Variants in CRTC1 observed in about 807,000 individuals in gnomAD.
The protein encoded by CRTC1 is CREB-regulated transcription coactivator 1.
CRTC1 carries 18 observed loss-of-function variants against 66.1 expected under a neutral mutation model. The ratio of observed to expected loss-of-function variants is 0.27; its 90% confidence interval spans 0.19 to 0.40. The LOEUF is 0.40. Ranked by LOEUF, CRTC1 falls within the 10% of genes least tolerant of loss-of-function variation. The pLI, the probability that CRTC1 is intolerant of heterozygous loss-of-function variation, is 1.00. For synonymous variants in CRTC1, 416 were observed against 398.8 expected (o/e 1.04, Z -0.51); for missense variants, 669 against 887.9 (o/e 0.75, Z 3.13).
rs150869500 is a variant in CRTC1 at position 18,781,842 on chromosome 19, G to A, written c.*4460G>A. 6.7e-3 allele frequency: 1,538 copies of A among 230,990 alleles called. 10 individuals are homozygous for A. The highest frequency in any genetic ancestry group is 7.8e-3 in the Non-Finnish European group (910 of 116,652). The allele number at this position is 230,990 out of a possible 1,614,324, so 14.3% of individuals were successfully genotyped here. On this transcript the variant is annotated 3_prime_UTR_variant, in exon 14 of 14. Transcript: ENST00000321949. ...CCACCCCCAGGAGCCAGGGACAGGT[G>A]GCATGTGTTGGGGTCGGGGGATGGC...
chr19:18,686,646 C>CAAAACA (rs566551999), intron 1 of CRTC1, among the ~76,000 whole-genome samples: 1 of 152,124 alleles, frequency 6.6e-6, no homozygotes, highest in Admixed American at 6.6e-5. Flanking sequence ...GACTCCATCT[C>CAAAACA]AAAACAAAAA....
At chr19:18,755,593 C>CTTTTTT (rs58121199) in intron 6 of CRTC1, among the ~76,000 whole-genome samples, 3 of 107,498 alleles carry the variant, frequency 2.8e-5, no homozygotes, top group Non-Finnish European at 3.8e-5. Context: ...CCAAACCTGG[C>CTTTTTT]TTTTTTTTTT....
chr19:18,684,919 G>A (rs1328249443), intron 1 of CRTC1, among the ~76,000 whole-genome samples: 1 of 152,128 alleles, frequency 6.6e-6, no homozygotes, highest in Non-Finnish European at 1.5e-5. Flanking sequence ...TTCCTCTTGG[G>A]GCAGGGTGGT....
chr19:18,731,474 G>A (rs1490996465), intron 1 of CRTC1, among the ~76,000 whole-genome samples: 1 of 152,208 alleles, frequency 6.6e-6, no homozygotes, highest in Non-Finnish European at 1.5e-5. Context: ...ATTCCAGGAT[G>A]ATCTCATTTC....
intron 1 of CRTC1, among the ~76,000 whole-genome samples, chr19:18,739,243 G>A (rs1471499233): frequency 6.6e-6 from 1 of 152,236 alleles, no homozygotes; most frequent in Non-Finnish European, 1.5e-5. Context: ...TGAGTCCCAG[G>A]TCAGCCCCGA....
Position 18,760,732 on chromosome 19 carries a change from C to T in CRTC1, c.886+504C>T, listed in dbSNP as rs2054594705. On this transcript the variant is annotated intron_variant, in intron 8 of 13. Coordinates refer to ENST00000321949, the MANE Select transcript of CRTC1 (RefSeq NM_015321.3). This position sits in a 1 kb window ranked among gnomAD's most constrained non-coding sequence, Gnocchi z 6.2. ...AGGGACGTCGCACAGGCCCCTCGCC[C>T]GTCCCAATAGCTCCTGGCGCTGCTG... is the stretch of plus-strand genomic sequence containing the variant. 6.6e-6 allele frequency among the ~76,000 whole-genome samples: 1 copy of T among 152,126 alleles called. No homozygotes were observed. The highest frequency in any genetic ancestry group is 1.9e-4 in the East Asian group (1 of 5,198).
intron 1 of CRTC1, among the ~76,000 whole-genome samples, chr19:18,685,572 A>C (rs2052667343): frequency 6.6e-6 from 1 of 152,136 alleles, no homozygotes; most frequent in Non-Finnish European, 1.5e-5. Flanking sequence ...TGGGAGAATC[A>C]CTTGAACCTG....
In CRTC1 at chr19:18,683,728, A is replaced by G; in HGVS notation, c.26A>G (p.Lys9Arg). The change falls in exon 1 of 14, where the codon AAA becomes AGA. Residue 9 changes from lysine (K) to arginine (R), a missense_variant. Lys to Arg is a conservative substitution (Grantham distance 26). Coordinates refer to ENST00000321949, the MANE Select transcript of CRTC1 (RefSeq NM_015321.3). MATSNNPR[K>R]FSEKIALHNQ... ...ATGGCGACTTCGAACAATCCGCGGA[A>G]ATTCAGCGAGAAGATCGCGCTGCAC... 1.4e-6 allele frequency: 2 copies of G among 1,400,494 alleles called. No individual in the cohort carries two copies. Among genetic ancestry groups the G allele is most frequent in the Non-Finnish European group, 9.5e-7 (1 of 1,052,774 alleles). The allele number at this position is 1,400,494 out of a possible 1,614,324, so 86.8% of individuals were successfully genotyped here. A position where few individuals can be genotyped will look rare whatever the true frequency, so the allele number is the denominator to read the frequency against.
In CRTC1 at chr19:18,701,678, T is replaced by C. The variant is rs573607915; in HGVS notation, c.126+17850T>C. ...TGGAGTGCAATGGCGCCATCTCAGC[T>C]CACTGCAACGTCCACCTCCTGGGTT... On this transcript the variant is annotated intron_variant, in intron 1 of 13. Transcript: ENST00000321949. 9.2e-5 allele frequency among the ~76,000 whole-genome samples: 14 copies of C among 152,342 alleles called. No individual in the cohort carries two copies. The South Asian group carries it at 2.9e-3, about 32-fold the overall frequency.
In CRTC1 at chr19:18,779,415, C is replaced by G. The variant is rs746269052; in HGVS notation, c.*2033C>G. On this transcript the variant is annotated 3_prime_UTR_variant, in exon 14 of 14. Coordinates refer to ENST00000321949, the MANE Select transcript of CRTC1 (RefSeq NM_015321.3). ...TGTTGGTCTGTCCAGGTCAAGGTCCCTTTCTCTTACCATGACAGAGGCTGG... is the reference window on the plus strand; with the variant it reads ...TGTTGGTCTGTCCAGGTCAAGGTCCGTTTCTCTTACCATGACAGAGGCTGG... 8.9e-6 allele frequency: 2 copies of G among 225,174 alleles called. No homozygotes were observed. Among genetic ancestry groups the G allele is most frequent in the African/African-American group, 2.2e-5 (1 of 44,762 alleles). 13.9% of individuals were successfully genotyped at this position (225,174 alleles called of 1,614,324 possible). A position where few individuals can be genotyped will look rare whatever the true frequency, so the allele number is the denominator to read the frequency against.
chr19:18,766,973 G>A (rs1237580165), intron 9 of CRTC1, among the ~76,000 whole-genome samples: 3 of 152,102 alleles, frequency 2.0e-5, no homozygotes, highest in Admixed American at 2.0e-4. Context: ...CCCAGGTTTG[G>A]TAAAATTCAC....
At chr19:18,732,684 A>G (rs2053917158) in intron 1 of CRTC1, among the ~76,000 whole-genome samples, 1 of 152,180 alleles carries the variant, frequency 6.6e-6, no homozygotes, top group Non-Finnish European at 1.5e-5. Context: ...TGCAGAGCCC[A>G]GCAGCAAAAG....
intron 4 of CRTC1, among the ~76,000 whole-genome samples, chr19:18,747,517 T>G (rs1189222931): frequency 1.3e-5 from 2 of 152,144 alleles, no homozygotes; most frequent in African/African-American, 4.8e-5. Context: ...ATGCCTGTAA[T>G]CCCCAGCTAC....
intron 1 of CRTC1, among the ~76,000 whole-genome samples, chr19:18,736,386 GAA>G (rs2053997356): frequency 6.6e-6 from 1 of 150,638 alleles, no homozygotes; most frequent in Non-Finnish European, 1.5e-5. Context: ...CTGGGCTGGA[GAA>G]AGTGTTCGCT....
chr19:18,713,967 C>G (rs1042883966), intron 1 of CRTC1, among the ~76,000 whole-genome samples: 3 of 152,214 alleles, frequency 2.0e-5, no homozygotes, highest in Admixed American at 2.0e-4. Flanking sequence ...GAAACCTACA[C>G]TAAAAATAGC....
rs758939085 is a variant in CRTC1, at chr19:18,759,602, A to T, written c.665+11A>T. 4 of 1,611,406 alleles carry T rather than the reference A, an allele frequency of 2.5e-6. No homozygotes were observed. Among genetic ancestry groups the T allele is most frequent in the Non-Finnish European group, 2.5e-6 (3 of 1,179,306 alleles). On this transcript the variant is annotated intron_variant, in intron 7 of 13. Transcript: ENST00000321949. ...GGTCCCCGGAATCAAGTAAGTCTCC[A>T]CAGGGCCCACCCCGCACACTGCATC...
Position 18,747,118 on chromosome 19 carries a change from A to G in CRTC1, c.443+4A>G, listed in dbSNP as rs1214454278. ...CCGCGGACACCAGCTGGAGAAGGTC[A>G]GTGGCTGGACACCCCCCCCCCGCCC... On this transcript the variant is annotated splice_donor_region_variant and intron_variant, in intron 4 of 13. Coordinates refer to ENST00000321949, the MANE Select transcript of CRTC1 (RefSeq NM_015321.3). 10 of 1,591,730 alleles carry G rather than the reference A, an allele frequency of 6.3e-6. No individual in the cohort carries two copies. In the East Asian group the frequency reaches 1.8e-4, roughly 29 times the overall value.
Position 18,777,026 on chromosome 19 carries a change from C to G in CRTC1, c.1694-145C>G, listed in dbSNP as rs1032280827. ...GCATCTCATGTGCTGGCCCCTCCCC[C>G]AGTCATGACAGCTGGAATGTCCCCA... is the stretch of plus-strand genomic sequence containing the variant. On this transcript the variant is annotated intron_variant, in intron 13 of 13. Transcript: ENST00000321949. This position sits in a 1 kb window ranked among gnomAD's most constrained non-coding sequence, Gnocchi z 5.5. 9.7e-6 allele frequency: 6 copies of G among 617,318 alleles called. No individual in the cohort carries two copies. The highest frequency in any genetic ancestry group is 9.2e-5 in the African/African-American group (5 of 54,508). The allele number at this position is 617,318 out of a possible 1,614,324, so 38.2% of individuals were successfully genotyped here. A position where few individuals can be genotyped will look rare whatever the true frequency, so the allele number is the denominator to read the frequency against.
intron 1 of CRTC1, among the ~76,000 whole-genome samples, chr19:18,694,267 C>T (rs1226084373): frequency 1.4e-5 from 2 of 143,286 alleles, no homozygotes; most frequent in African/African-American, 2.6e-5. Context: ...CGCCACTTCA[C>T]TCCAGCCTGG....
Sources: gnomAD v4.1 joint callset for allele counts (sites outside exome capture counted in the v4.1 genomes callset) on GRCh38, gnomAD v4.1.1 for gene constraint, Gnocchi (gnomAD v3.1) non-coding constraint, MANE v1.5 for transcripts, NCBI Gene and HGNC (gene_info 2026-07-23, HGNC 2026-07-21) for gene names.